PDE3A: variants seen among roughly 807,000 people sequenced by gnomAD.
The protein encoded by PDE3A is phosphodiesterase 3A, also known as cGMP-inhibited 3',5'-cyclic phosphodiesterase 3A.
In PDE3A, 43 loss-of-function variants were observed where a neutral mutation model predicts 98.3. That is an observed-to-expected ratio of 0.44 (90% CI 0.34 to 0.56). The LOEUF (loss-of-function observed/expected upper bound fraction) is 0.56. Ranked by LOEUF, PDE3A falls within the 20% of genes least tolerant of loss-of-function variation. The pLI is 0.01. For missense variants in PDE3A, 1,427 were observed against 1,440.7 expected (o/e 0.99, Z 0.15); for synonymous variants, 663 against 567.9 (o/e 1.17, Z -2.38).
Position 20,472,980 on chromosome 12 carries a change from T to C in PDE3A, c.961-83680T>C, listed in dbSNP as rs998071877. Among the ~76,000 whole-genome samples, 32 of 152,176 alleles carry C rather than the reference T, an allele frequency of 2.1e-4. 1 individual carries two copies. Among genetic ancestry groups the C allele is most frequent in the Non-Finnish European group, 1.5e-5 (1 of 68,020 alleles). ...CATATTGTAAATGATACTCAATATA[T>C]ACATATTGTATGTGATTTTATATGC... On this transcript the variant is annotated intron_variant, in intron 1 of 15. Coordinates refer to ENST00000359062, the MANE Select transcript of PDE3A (RefSeq NM_000921.5).
chr12:20,543,420 GC>G (rs1941973377), intron 1 of PDE3A, among the ~76,000 whole-genome samples: 1 of 151,828 alleles, frequency 6.6e-6, no homozygotes, highest in Admixed American at 6.6e-5. Context: ...TGCTATTTGG[GC>G]CTCTCTGGCC....
At chr12:20,628,866 C>T (rs896554855) in intron 5 of PDE3A, among the ~76,000 whole-genome samples, 3 of 152,172 alleles carry the variant, frequency 2.0e-5, no homozygotes, top group Admixed American at 6.5e-5. Flanking sequence ...ACAACTCAAA[C>T]TTTTGAGGAA....
chr12:20,630,142 T>G lies in PDE3A; in HGVS notation c.1760+15T>G. On this transcript the variant is annotated intron_variant, in intron 6 of 15. Coordinates refer to ENST00000359062, the MANE Select transcript of PDE3A (RefSeq NM_000921.5). Reference sequence around the variant, plus strand: ...ATATGTAGCAGGTAAGGATTTTTTATGAACTGAAGTTTAATAATAAAAACG... The same window carrying G: ...ATATGTAGCAGGTAAGGATTTTTTAGGAACTGAAGTTTAATAATAAAAACG... 1 of 1,525,870 alleles carries G rather than the reference T, an allele frequency of 6.6e-7. No homozygotes were observed. Among genetic ancestry groups the G allele is most frequent in the East Asian group, 2.3e-5 (1 of 44,402 alleles). 94.5% of individuals were successfully genotyped at this position (1,525,870 alleles called of 1,614,324 possible).
At chr12:20,625,324 T>G (rs1386976574) in intron 5 of PDE3A, among the ~76,000 whole-genome samples, 2 of 152,222 alleles carry the variant, frequency 1.3e-5, no homozygotes, top group African/African-American at 4.8e-5. Flanking sequence ...ATTATTCTGC[T>G]TTAAAAATTC....
At chr12:20,400,801 C>T (rs929497915) in intron 1 of PDE3A, among the ~76,000 whole-genome samples, 11 of 152,106 alleles carry the variant, frequency 7.2e-5, no homozygotes, top group African/African-American at 2.7e-4. Context: ...GTATGCTAAG[C>T]ATTTTAGAGA....
At chr12:20,385,855 G>T (rs1489099902) in intron 1 of PDE3A, among the ~76,000 whole-genome samples, 1 of 147,672 alleles carries the variant, frequency 6.8e-6, no homozygotes, top group Non-Finnish European at 1.5e-5. Flanking sequence ...GAGTTAATGG[G>T]TGCAGCACAC....
chr12:20,526,004 A>G (rs985418532), intron 1 of PDE3A, among the ~76,000 whole-genome samples: 19 of 152,194 alleles, frequency 1.2e-4, no homozygotes, highest in Non-Finnish European at 2.5e-4. Context: ...ATACTTGAGG[A>G]CTTTTGTTTC....
At chr12:20,561,821 C>T (rs921126606) in intron 2 of PDE3A, among the ~76,000 whole-genome samples, 1 of 152,196 alleles carries the variant, frequency 6.6e-6, no homozygotes, top group Admixed American at 6.5e-5. Flanking sequence ...ATACCTATCT[C>T]TCTTCTAGCA....
chr12:20,628,319 G>A (rs1287659757), intron 5 of PDE3A, among the ~76,000 whole-genome samples: 1 of 152,114 alleles, frequency 6.6e-6, no homozygotes, highest in Non-Finnish European at 1.5e-5. Context: ...AGGATACTAT[G>A]TAATGTGAAG....
chr12:20,618,944 T>C (rs977695698), intron 4 of PDE3A, among the ~76,000 whole-genome samples: 1 of 151,996 alleles, frequency 6.6e-6, no homozygotes, highest in African/African-American at 2.4e-5. Context: ...AAGATTGAGA[T>C]CTTCCATCAC....
rs1461789890 is a variant in PDE3A, at chr12:20,372,550, C to A, written c.960+2306C>A. ...TAGGACAGTATCTCATATACGTTAG[C>A]CTTACTGTGTGAAAAGTTCAGGAGC... On this transcript the variant is annotated intron_variant, in intron 1 of 15. Transcript: ENST00000359062. Among the ~76,000 whole-genome samples the A allele has an allele frequency of 2.0e-5, 3 of 152,008 alleles. No individual in the cohort carries two copies. The East Asian group carries it at 5.8e-4, about 29-fold the overall frequency.
chr12:20,616,464 A>C, intron 4 of PDE3A, 80 bp downstream of exon 4: 1 of 1,354,596 alleles, frequency 7.4e-7, no homozygotes, highest in Non-Finnish European at 1.0e-6. Context: ...CAGGAGAAGG[A>C]AGGCTAACCA....
At position 20,613,484 on chromosome 12, in the gene PDE3A, C is replaced by T. The variant is rs138884714; in HGVS notation, c.1053C>T (p.Gly351=). The stretch of plus-strand genomic sequence containing the variant: ...TTACTGTGGACATCGCCGTCATGGG[C>T]GAGGCCCACGGCCTCATTACCGACC... ...TSITVDIAVM[G]EAHGLITDLL... The change falls in exon 3 of 16, where the codon GGC becomes GGT. Residue 351 remains glycine, a synonymous_variant. Transcript: ENST00000359062. 188 of 1,613,434 alleles carry T rather than the reference C, an allele frequency of 1.2e-4. No homozygotes were observed. The highest frequency in any genetic ancestry group is 2.5e-4 in the Admixed American group (15 of 60,008).
At chr12:20,559,276 AG>A (rs1942450972) in intron 2 of PDE3A, among the ~76,000 whole-genome samples, 1 of 152,096 alleles carries the variant, frequency 6.6e-6, no homozygotes, top group East Asian at 1.9e-4. Flanking sequence ...CATATAGCCT[AG>A]GTGTATAATA....
intron 2 of PDE3A, among the ~76,000 whole-genome samples, chr12:20,610,102 A>C (rs942100726): frequency 1.9e-5 from 2 of 106,674 alleles, no homozygotes; most frequent in Non-Finnish European, 3.9e-5. Flanking sequence ...CAACAAAATG[A>C]AAAGGCAACT....
At chr12:20,674,070 A>G (rs1280332240) in intron 15 of PDE3A, among the ~76,000 whole-genome samples, 1 of 152,048 alleles carries the variant, frequency 6.6e-6, no homozygotes, top group Non-Finnish European at 1.5e-5. Flanking sequence ...CTAATTTTTT[A>G]TAGCTATTGT....
chr12:20,375,298 A>G (rs370462247), intron 1 of PDE3A, among the ~76,000 whole-genome samples: 2 of 151,948 alleles, frequency 1.3e-5, no homozygotes, highest in African/African-American at 2.4e-5. Context: ...GTAATTACCT[A>G]TATATACTTT....
At position 20,552,984 on chromosome 12, in the gene PDE3A, C is replaced by T; in HGVS notation, c.961-3676C>T. 1.9e-6 allele frequency: 3 copies of T among 1,576,340 alleles called. No individual in the cohort carries two copies. Among genetic ancestry groups the T allele is most frequent in the Non-Finnish European group, 2.6e-6 (3 of 1,159,486 alleles). On this transcript the variant is annotated intron_variant, in intron 1 of 15. Transcript: ENST00000359062. The surrounding 1 kb of genome is among the most constrained non-coding windows in gnomAD (Gnocchi z 5.1). ...CTCTGCAGACCGTCCTCAACCAGCT[C>T]TTCCCCGGCTACGGCAATGGCCGGT...
intron 10 of PDE3A, among the ~76,000 whole-genome samples, chr12:20,643,704 C>A (rs4288797): frequency 0.95 from 145,278 of 152,228 alleles, 69,498 homozygotes; most frequent in East Asian, 1. Context: ...GTCTTTACCT[C>A]GTTTTTAAAT....
Sources: allele counts gnomAD v4.1 joint callset (sites outside exome capture counted in the v4.1 genomes callset), GRCh38; gene constraint gnomAD v4.1.1; non-coding constraint Gnocchi (gnomAD v3.1); transcripts MANE v1.5; gene names NCBI Gene and HGNC (gene_info 2026-07-23, HGNC 2026-07-21).